The following CHST8 variants were observed in gnomAD, a reference collection of about 807,000 sequenced individuals.
The protein encoded by CHST8 is GALNAC-4-ST1.
Under a neutral mutation model 15.0 loss-of-function variants are expected in CHST8, and 10 were observed. The observed-to-expected ratio is 0.67, with a 90% CI of 0.41 to 1.13. The LOEUF is 1.13. CHST8 is among the 50% of genes most tolerant of loss of function. CHST8 has a pLI of 0.00. For missense variants in CHST8, 634 were observed against 608.2 expected, an observed-to-expected ratio of 1.04 and a Z score of -0.45; for synonymous variants, 259 against 256.6, an observed-to-expected ratio of 1.01 and a Z score of -0.09.
intron 3 of CHST8, among the ~76,000 whole-genome samples, chr19:33,701,915 G>C (rs1189498698): frequency 6.6e-6 from 1 of 152,184 alleles, no homozygotes; most frequent in African/African-American, 2.4e-5. Flanking sequence ...TGATTCCAAA[G>C]CCTGTGCTCC....
At chr19:33,664,322 A>T (rs1972625060) in intron 1 of CHST8, among the ~76,000 whole-genome samples, 2 of 151,996 alleles carry the variant, frequency 1.3e-5, no homozygotes, top group East Asian at 1.9e-4. Context: ...TTTAGAGTAC[A>T]TGTGCACAAT....
intron 3 of CHST8, among the ~76,000 whole-genome samples, chr19:33,698,491 T>C (rs1973268185): frequency 6.6e-6 from 1 of 151,518 alleles, no homozygotes; most frequent in Non-Finnish European, 1.5e-5. Flanking sequence ...AGGCAACAAA[T>C]GCAAGGAGAT....
chr19:33,666,636 T>A (rs1972665031), intron 1 of CHST8, among the ~76,000 whole-genome samples: 1 of 152,154 alleles, frequency 6.6e-6, no homozygotes, highest in Non-Finnish European at 1.5e-5. Context: ...GTGGAATTCC[T>A]CTTGTTAGTA....
Position 33,752,103 on chromosome 19 carries a change from C to T in CHST8, c.131-19310C>T, listed in dbSNP as rs78001900. On this transcript the variant is annotated intron_variant, in intron 3 of 4. Transcript: ENST00000650847. Reference sequence around the variant, plus strand: ...TGCCACAGCTGCCTGAGCCCCAGGACGAAGGGGAGGCTCCGCCTAGCGGGT... The same window carrying T: ...TGCCACAGCTGCCTGAGCCCCAGGATGAAGGGGAGGCTCCGCCTAGCGGGT... 1.2e-3 allele frequency among the ~76,000 whole-genome samples: 188 copies of T among 152,292 alleles called. 5 individuals carry two copies. In the East Asian group the frequency reaches 0.031, roughly 25 times the overall value.
At chr19:33,720,332 C>T (rs1321620339) in intron 3 of CHST8, among the ~76,000 whole-genome samples, 1 of 151,700 alleles carries the variant, frequency 6.6e-6, no homozygotes, top group African/African-American at 2.4e-5. Context: ...TGCACACACA[C>T]ACCACACATA....
At chr19:33,699,250 C>T (rs1250271752) in intron 3 of CHST8, among the ~76,000 whole-genome samples, 1 of 152,096 alleles carries the variant, frequency 6.6e-6, no homozygotes, top group Admixed American at 6.5e-5. Flanking sequence ...GAGATGGAGA[C>T]ACGGGAGGAG....
At position 33,740,977 on chromosome 19, in the gene CHST8, G is replaced by T. The variant is rs190052632; in HGVS notation, c.131-30436G>T. 3.3e-5 allele frequency among the ~76,000 whole-genome samples: 5 copies of T among 152,178 alleles called. 1 individual carries two copies. Among genetic ancestry groups the T allele is most frequent in the Admixed American group, 1.3e-4 (2 of 15,288 alleles). On this transcript the variant is annotated intron_variant, in intron 3 of 4. Coordinates refer to ENST00000650847, the MANE Select transcript of CHST8 (RefSeq NM_001127895.2). ...GAACCTGGAGCTAAACCCTTAGAGCGGGGTATCATTGGGAGCTGTCCGTGG... is the reference window on the plus strand; with the variant it reads ...GAACCTGGAGCTAAACCCTTAGAGCTGGGTATCATTGGGAGCTGTCCGTGG...
intron 3 of CHST8, among the ~76,000 whole-genome samples, chr19:33,716,580 C>G (rs1312249817): frequency 6.6e-6 from 1 of 152,160 alleles, no homozygotes; most frequent in Non-Finnish European, 1.5e-5. Context: ...GTTGCCCAGG[C>G]TGATCTCGAA....
At chr19:33,658,578 T>C (rs1972542851) in intron 1 of CHST8, among the ~76,000 whole-genome samples, 1 of 152,224 alleles carries the variant, frequency 6.6e-6, no homozygotes, top group African/African-American at 2.4e-5. Context: ...CGTAGCACTT[T>C]ATAAAAATAT....
intron 3 of CHST8, among the ~76,000 whole-genome samples, chr19:33,713,904 G>A (rs1335511649): frequency 6.6e-6 from 1 of 152,088 alleles, no homozygotes; most frequent in African/African-American, 2.4e-5. Context: ...CAGAATCCCT[G>A]ACAGAGCCTG....
chr19:33,748,457 C>T (rs1974354533), intron 3 of CHST8, among the ~76,000 whole-genome samples: 1 of 152,226 alleles, frequency 6.6e-6, no homozygotes, highest in Non-Finnish European at 1.5e-5. Flanking sequence ...ATGGCCGTGT[C>T]GCCCCAGGTT....
At chr19:33,747,793 A>G (rs1430119926) in intron 3 of CHST8, among the ~76,000 whole-genome samples, 1 of 152,182 alleles carries the variant, frequency 6.6e-6, no homozygotes, top group African/African-American at 2.4e-5. Context: ...GAAATGTTTC[A>G]TGACAAAAAA....
At position 33,667,755 on chromosome 19, in the gene CHST8, A is replaced by T. The variant is rs1376732296; in HGVS notation, c.-163-12A>T. 1 of 151,198 alleles carries T rather than the reference A, an allele frequency of 6.6e-6. No homozygotes were observed. Among genetic ancestry groups the T allele is most frequent in the Non-Finnish European group, 1.5e-5 (1 of 67,754 alleles). The allele number at this position is 151,198 out of a possible 1,614,324, so 9.4% of individuals were successfully genotyped here. On this transcript the variant is annotated splice_polypyrimidine_tract_variant and intron_variant, in intron 1 of 4. Transcript: ENST00000650847. ...GAAAACGTCTCAGACACATTTATTT[A>T]TTTTTTTTTAGGTTTAAAGGTCAAC...
intron 3 of CHST8, among the ~76,000 whole-genome samples, chr19:33,705,881 A>T (rs1973436291): frequency 6.6e-6 from 1 of 152,150 alleles, no homozygotes; most frequent in African/African-American, 2.4e-5. Context: ...GCATTCAAGG[A>T]GGTGGCATCC....
At chr19:33,695,821 C>CTTTCTTTCTTTCTTTCTTTCTTTTT (rs57718433) in intron 3 of CHST8, among the ~76,000 whole-genome samples, 48 of 76,230 alleles carry the variant, frequency 6.3e-4, no homozygotes, top group South Asian at 3.8e-3. Flanking sequence ...TTCTTTCTTT[C>CTTTCTTTCTTTCTTTCTTTCTTTTT]TTTTTTTTTT....
At chr19:33,649,860 C>A (rs1972411589) in intron 1 of CHST8, among the ~76,000 whole-genome samples, 1 of 152,066 alleles carries the variant, frequency 6.6e-6, no homozygotes, top group Admixed American at 6.6e-5. Context: ...TAGTGCCTGG[C>A]GGTGGGTAAG....
chr19:33,627,447 C>G (rs1404035840), intron 1 of CHST8, among the ~76,000 whole-genome samples: 1 of 152,054 alleles, frequency 6.6e-6, no homozygotes, highest in Non-Finnish European at 1.5e-5. Context: ...TTAGGGATTC[C>G]TTTACAGCAA....
At chr19:33,626,089 G>A (rs535501280) in intron 1 of CHST8, among the ~76,000 whole-genome samples, 2 of 152,284 alleles carry the variant, frequency 1.3e-5, no homozygotes, top group South Asian at 4.1e-4. Context: ...CGGGGACAGA[G>A]CTGCATTAGC....
intron 1 of CHST8, among the ~76,000 whole-genome samples, chr19:33,660,087 C>T (rs1255754074): frequency 6.6e-6 from 1 of 152,170 alleles, no homozygotes; most frequent in African/African-American, 2.4e-5. Flanking sequence ...CTGCAGGGCT[C>T]CTTGCTGTGT....
Sources: allele counts gnomAD v4.1 joint callset (sites outside exome capture counted in the v4.1 genomes callset), GRCh38; gene constraint gnomAD v4.1.1; transcripts MANE v1.5; gene names NCBI Gene and HGNC (gene_info 2026-07-23, HGNC 2026-07-21).